Variants in PRPF39 observed in about 807,000 individuals in gnomAD.
PRPF39 encodes the protein pre-mRNA-processing factor 39.
PRPF39 carries 27 observed loss-of-function variants against 82.1 expected under a neutral mutation model. The ratio of observed to expected loss-of-function variants is 0.33; its 90% confidence interval spans 0.24 to 0.45. PRPF39 has a LOEUF of 0.45. PRPF39 is among the 20% of genes least tolerant of loss of function. The probability of loss-of-function intolerance (pLI) is 1.00; values close to 1 mark genes in which losing one functional copy is unlikely to be tolerated. For synonymous variants in PRPF39, 261 were observed against 256.4 expected (o/e 1.02, Z -0.17); for missense variants, 581 against 796.9 (o/e 0.73, Z 3.26).
rs1884555715 is a variant in PRPF39, at chr14:45,107,063, TTG to T, written c.738-386_738-385del. 2.0e-5 allele frequency among the ~76,000 whole-genome samples: 3 copies of T among 152,206 alleles called. No individual in the cohort carries two copies. In the South Asian group the frequency reaches 6.2e-4, roughly 31 times the overall value. ...TAATTTTACTGTAACTTTTATGTCT[TTG>T]TAGTAAAATAGATTCTATGACACAC... is the stretch of plus-strand genomic sequence containing the variant. On this transcript the variant is annotated intron_variant, in intron 5 of 13. Transcript: ENST00000355765.
Position 45,095,469 on chromosome 14 carries a change from T to C in PRPF39, c.230T>C (p.Phe77Ser), listed in dbSNP as rs1884167363. ...ACGCTGACAGAAACAGAAGCAAATT[T>C]CCCTCCAGAATATGAAAAATTTTGG... ...PVTLTETEAN[F>S]PPEYEKFWKT... is the part of the protein sequence containing the mutation. The change falls in exon 2 of 14, where the codon TTC (phenylalanine) becomes TCC (serine). Residue 77 changes from phenylalanine to serine, a missense_variant. Coordinates refer to ENST00000355765, the MANE Select transcript of PRPF39 (RefSeq NM_017922.4). The C allele has an allele frequency of 6.2e-7, 1 of 1,613,784 alleles. No individual in the cohort carries two copies. The highest frequency in any genetic ancestry group is 1.7e-5 in the Admixed American group (1 of 59,990).
At chr14:45,087,774 A>G (rs1373909101) in intron 1 of PRPF39, among the ~76,000 whole-genome samples, 1 of 140,370 alleles carries the variant, frequency 7.1e-6, no homozygotes, top group Non-Finnish European at 1.5e-5. Context: ...TTTTTAGTAG[A>G]GACGGGATTT....
At chr14:45,112,932 A>G (rs1039005657) in intron 11 of PRPF39, among the ~76,000 whole-genome samples, 1 of 152,208 alleles carries the variant, frequency 6.6e-6, no homozygotes, top group Admixed American at 6.5e-5. Context: ...GAACATGCCT[A>G]GTGGCCTCAT....
At position 45,110,257 on chromosome 14, in the gene PRPF39, T is replaced by A; in HGVS notation, c.1303+37T>A. ...GAAATTCAGTTGACATTTTTGAGAT[T>A]TTAAGTTATTTCAGGAAACAGTGAC... On this transcript the variant is annotated intron_variant, in intron 9 of 13. Transcript: ENST00000355765. The surrounding 1 kb of genome is among the most constrained non-coding windows in gnomAD (Gnocchi z 4.0). 1 of 1,608,534 alleles carries A rather than the reference T, an allele frequency of 6.2e-7. No homozygotes were observed. The highest frequency in any genetic ancestry group is 8.5e-7 in the Non-Finnish European group (1 of 1,176,108).
chr14:45,101,960 C>T (rs1395375841), intron 4 of PRPF39, among the ~76,000 whole-genome samples: 1 of 151,898 alleles, frequency 6.6e-6, no homozygotes, highest in Non-Finnish European at 1.5e-5. Context: ...GCATGTGCCA[C>T]CATGCCTGGC....
At chr14:45,114,121 T>C (rs1473155350) in intron 11 of PRPF39, 62 bp from the exon 12 acceptor site, 4 of 1,268,226 alleles carry the variant, frequency 3.2e-6, no homozygotes, top group South Asian at 2.9e-5. Context: ...AAAACAACTT[T>C]AAATATTTAA....
chr14:45,087,478 G>A (rs928105969), intron 1 of PRPF39, among the ~76,000 whole-genome samples: 7 of 152,162 alleles, frequency 4.6e-5, no homozygotes, highest in South Asian at 2.1e-4. Context: ...TTTTTATACC[G>A]AGGTATGTTT....
rs771204543 is a variant in PRPF39 at position 45,085,936 on chromosome 14, GA to G, written c.-20+1700del. Among the ~76,000 whole-genome samples the G allele has an allele frequency of 6.9e-3, 964 of 140,278 alleles. 5 individuals carry two copies. Among genetic ancestry groups the G allele is most frequent in the African/African-American group, 0.019 (746 of 39,074 alleles). The allele number at this position is 140,278 out of a possible 152,430, so 92.0% of individuals were successfully genotyped here. On this transcript the variant is annotated intron_variant, in intron 1 of 13. Coordinates refer to ENST00000355765, the MANE Select transcript of PRPF39 (RefSeq NM_017922.4). ...CCTCTACAGGAATAAGAGGCATACA[GA>G]AAAAAAAAAAAAGGTATTAGGTCAA...
At chr14:45,106,645 T>G (rs572909122) in intron 5 of PRPF39, among the ~76,000 whole-genome samples, 32 of 152,302 alleles carry the variant, frequency 2.1e-4, no homozygotes, top group Admixed American at 1.4e-3. Context: ...CTAATGTGAT[T>G]AGGAGAAAGG....
At chr14:45,104,690 A>G (rs973932014) in intron 5 of PRPF39, among the ~76,000 whole-genome samples, 1 of 152,230 alleles carries the variant, frequency 6.6e-6, no homozygotes, top group Non-Finnish European at 1.5e-5. Context: ...TACCCTGCAC[A>G]TTATCTCTGA....
chr14:45,089,310 C>T (rs902792123), intron 1 of PRPF39, among the ~76,000 whole-genome samples: 5 of 152,194 alleles, frequency 3.3e-5, no homozygotes, highest in East Asian at 1.9e-4. Flanking sequence ...CATTCTTTTG[C>T]ACGTGGATAT....
chr14:45,103,440 G>A (rs1884435733), intron 5 of PRPF39, among the ~76,000 whole-genome samples: 2 of 151,818 alleles, frequency 1.3e-5, no homozygotes, highest in Non-Finnish European at 2.9e-5. Flanking sequence ...TATAAACTTA[G>A]TATTTTCTAT....
chr14:45,105,113 C>T (rs760093826), intron 5 of PRPF39, among the ~76,000 whole-genome samples: 39 of 152,138 alleles, frequency 2.6e-4, no homozygotes, highest in Non-Finnish European at 4.3e-4. Flanking sequence ...AGGAATAGAG[C>T]TCAATATATA....
chr14:45,091,356 G>A (rs558572944), intron 1 of PRPF39, among the ~76,000 whole-genome samples: 1 of 152,224 alleles, frequency 6.6e-6, no homozygotes, highest in African/African-American at 2.4e-5. Flanking sequence ...TCCCCAGGCT[G>A]GTCTGGAACA....
chr14:45,098,287 A>G (rs368052772), intron 4 of PRPF39, among the ~76,000 whole-genome samples: 5 of 152,024 alleles, frequency 3.3e-5, no homozygotes, highest in African/African-American at 1.2e-4. Flanking sequence ...CTCAAAAACA[A>G]AAAACATTAG....
At chr14:45,103,369 G>C (rs1884432103) in intron 5 of PRPF39, among the ~76,000 whole-genome samples, 1 of 151,986 alleles carries the variant, frequency 6.6e-6, no homozygotes, top group Non-Finnish European at 1.5e-5. Context: ...TGAGGACTGT[G>C]TCTTTGCTTT....
chr14:45,110,106 A>C lies in PRPF39; in HGVS notation c.1189A>C (p.Met397Leu), dbSNP rs1884657980. The C allele has an allele frequency of 6.2e-7, 1 of 1,613,426 alleles. No homozygotes were observed. The highest frequency in any genetic ancestry group is 1.3e-5 in the African/African-American group (1 of 74,904). ...EEFWIKYAKYMENHSIEGVRH... is the reference protein window; with the variant it reads ...EEFWIKYAKYLENHSIEGVRH... ...TTTCTGTATGTAGTATGCCAAGTACATGGAAAACCATAGCATTGAAGGAGT... is the reference window on the plus strand; with the variant it reads ...TTTCTGTATGTAGTATGCCAAGTACCTGGAAAACCATAGCATTGAAGGAGT... Residue 397 changes from methionine (M) to leucine (L), a missense_variant, in exon 9 of 14, where the codon ATG (methionine) becomes CTG (leucine). Met to Leu is a conservative substitution (Grantham distance 15). Transcript: ENST00000355765. This position sits in a 1 kb window ranked among gnomAD's most constrained non-coding sequence, Gnocchi z 4.0.
Position 45,110,449 on chromosome 14 carries a change from T to C in PRPF39, c.1304-100T>C. On this transcript the variant is annotated intron_variant, in intron 9 of 13. Coordinates refer to ENST00000355765, the MANE Select transcript of PRPF39 (RefSeq NM_017922.4). This position sits in a 1 kb window ranked among gnomAD's most constrained non-coding sequence, Gnocchi z 4.0. ...ATGCATGGCTGTTTCCCATTATTAG[T>C]TGCTGGATTTAGCCCATGGGTGATT... The C allele has an allele frequency of 7.7e-7, 1 of 1,303,336 alleles. No homozygotes were observed. The highest frequency in any genetic ancestry group is 1.0e-6 in the Non-Finnish European group (1 of 954,344). 80.7% of individuals were successfully genotyped at this position (1,303,336 alleles called of 1,614,324 possible). A position where few individuals can be genotyped will look rare whatever the true frequency, so the allele number is the denominator to read the frequency against.
intron 1 of PRPF39, among the ~76,000 whole-genome samples, chr14:45,088,000 AT>A (rs1883897082): frequency 6.6e-6 from 1 of 152,076 alleles, no homozygotes; most frequent in Non-Finnish European, 1.5e-5. Flanking sequence ...TTACTTGTTT[AT>A]TGTTCAATGA....
Sources: gnomAD v4.1 joint callset for allele counts (sites outside exome capture counted in the v4.1 genomes callset) on GRCh38, gnomAD v4.1.1 for gene constraint, Gnocchi (gnomAD v3.1) non-coding constraint, MANE v1.5 for transcripts, NCBI Gene and HGNC (gene_info 2026-07-23, HGNC 2026-07-21) for gene names.